The following MED6 variants were observed in gnomAD, a reference collection of about 807,000 sequenced individuals.
The protein encoded by MED6 is mediator of RNA polymerase II transcription subunit 6.
A neutral mutation model predicts 37.5 loss-of-function variants in MED6; 33 were observed. The observed-to-expected ratio is 0.88, with a 90% confidence interval of 0.67 to 1.18. The LOEUF is 1.18. MED6 is among the 50% of genes most tolerant of loss of function. MED6 has a pLI of 0.00. For missense variants in MED6, 235 were observed against 290.6 expected, an observed-to-expected ratio of 0.81 and a Z score of 1.39; for synonymous variants, 94 against 93.6, an observed-to-expected ratio of 1.00 and a Z score of -0.02.
intron 6 of MED6, among the ~76,000 whole-genome samples, chr14:70,587,863 T>A (rs985810896): frequency 7.9e-5 from 12 of 152,214 alleles, no homozygotes; most frequent in African/African-American, 1.9e-4. Flanking sequence ...CACATCAGTA[T>A]TAGTGCAACT....
At chr14:70,597,584 T>C (rs1885081129) in intron 2 of MED6, 34 bp downstream of exon 2, 4 of 1,426,198 alleles carry the variant, frequency 2.8e-6, no homozygotes, top group Middle Eastern at 2.2e-4. Flanking sequence ...AAACTTGTAT[T>C]TGGAAAAAGT....
intron 4 of MED6, 76 bp downstream of exon 4, chr14:70,593,220 C>T: frequency 7.4e-7 from 1 of 1,350,140 alleles, no homozygotes; most frequent in South Asian, 1.2e-5. Flanking sequence ...GGCAGAGGAG[C>T]TCTAGTTTGA....
chr14:70,590,417 C>T (rs928763209), intron 6 of MED6, among the ~76,000 whole-genome samples: 2 of 152,206 alleles, frequency 1.3e-5, no homozygotes, highest in Non-Finnish European at 2.9e-5. Flanking sequence ...GTGTCCTCTG[C>T]TCTCTTCACC....
At chr14:70,590,383 C>T (rs1884832907) in intron 6 of MED6, among the ~76,000 whole-genome samples, 1 of 152,200 alleles carries the variant, frequency 6.6e-6, no homozygotes, top group South Asian at 2.1e-4. Context: ...TCTAAACTGG[C>T]TTTCCTGTCC....
At chr14:70,594,979 T>A in intron 3 of MED6, 2 of 593,868 alleles carry the variant, frequency 3.4e-6, no homozygotes, top group South Asian at 2.8e-5. Flanking sequence ...GGCTCAGATC[T>A]TCTCAAGTAC....
In MED6 at chr14:70,596,652, AGAATGGGCTCTTGAGCAT is replaced by A. The variant is rs771394285; in HGVS notation, c.215_232del (p.His72_Ile77del). ...CCGCTGTTGCTTCCGAATGATGAAAAGAATGGGCTCTTGAGCATGCAAAAGGATGTACTCGATTCCAAC... is the reference window on the plus strand; with the variant it reads ...CCGCTGTTGCTTCCGAATGATGAAAAGCAAAAGGATGTACTCGATTCCAAC... On this transcript the variant is annotated inframe_deletion, in exon 3 of 8. Transcript: ENST00000256379. 1 of 1,614,052 alleles carries A rather than the reference AGAATGGGCTCTTGAGCAT, an allele frequency of 6.2e-7. No homozygotes were observed. The highest frequency in any genetic ancestry group is 2.2e-5 in the East Asian group (1 of 44,888).
intron 1 of MED6, among the ~76,000 whole-genome samples, chr14:70,599,408 T>C (rs1371822277): frequency 6.6e-6 from 1 of 152,160 alleles, no homozygotes; most frequent in Non-Finnish European, 1.5e-5. Context: ...GCCTCCTAAC[T>C]GGTTTTCCTA....
At chr14:70,585,007 A>C in intron 7 of MED6, 64 bp from the exon 8 acceptor site, 1 of 1,518,778 alleles carries the variant, frequency 6.6e-7, no homozygotes. Flanking sequence ...ATAAATGGTT[A>C]ATATGAATGG....
Position 70,584,116 on chromosome 14 carries a change from C to A in MED6, c.*697G>T. 1.4e-6 allele frequency: 1 copy of A among 723,806 alleles called. No individual in the cohort carries two copies. Among genetic ancestry groups the A allele is most frequent in the Non-Finnish European group, 2.5e-6 (1 of 402,402 alleles). The allele number at this position is 723,806 out of a possible 1,614,324, so 44.8% of individuals were successfully genotyped here. On this transcript the variant is annotated 3_prime_UTR_variant, in exon 8 of 8. Coordinates refer to ENST00000256379, the MANE Select transcript of MED6 (RefSeq NM_005466.4). ...ATGTCAGCAACTGTTTATTTTAATA[C>A]TGAGGATTATGTAACTGAACAAAAA... is the stretch of plus-strand genomic sequence containing the variant.
At chr14:70,585,462 G>A (rs1192919615) in intron 7 of MED6, among the ~76,000 whole-genome samples, 1 of 152,026 alleles carries the variant, frequency 6.6e-6, no homozygotes, top group East Asian at 1.9e-4. Context: ...GAACAAGACT[G>A]TTCAACCCAC....
At chr14:70,595,628 G>C (rs1885021592) in intron 3 of MED6, 2 of 903,660 alleles carry the variant, frequency 2.2e-6, no homozygotes, top group Non-Finnish European at 3.5e-6. Context: ...AGGAGTACAA[G>C]GCCCTGCTGA....
chr14:70,594,605 C>A, intron 3 of MED6: 1 of 419,220 alleles, frequency 2.4e-6, no homozygotes, highest in South Asian at 2.0e-5. Context: ...TGGGCTCCAT[C>A]CAGGCGCCCA....
At chr14:70,590,817 CTCT>C (rs1293597783) in intron 6 of MED6, among the ~76,000 whole-genome samples, 2 of 152,298 alleles carry the variant, frequency 1.3e-5, no homozygotes, top group East Asian at 3.9e-4. Flanking sequence ...CTCCTGTCTC[CTCT>C]GTTTATTATG....
chr14:70,587,708 G>A (rs905361898), intron 6 of MED6, among the ~76,000 whole-genome samples: 1 of 152,182 alleles, frequency 6.6e-6, no homozygotes. Context: ...TATATAACAA[G>A]AGTGCTTCTT....
chr14:70,595,715 T>C (rs2018131), intron 3 of MED6: 110,464 of 752,812 alleles, frequency 0.15, 11,933 homozygotes, highest in East Asian at 0.51. Context: ...TCAATCTTGG[T>C]GACGCCCTGG....
rs17108244 is a variant in MED6 at position 70,584,266 on chromosome 14, A to G, written c.*547T>C. On this transcript the variant is annotated 3_prime_UTR_variant, in exon 8 of 8. Transcript: ENST00000256379. ...ATACAAATACCTTTATTTTGCTTTT[A>G]AACATATCTACCAGTAAACATGTGA... 25,606 of 663,006 alleles carry G rather than the reference A, an allele frequency of 0.039. 1,278 individuals are homozygous for G. Among genetic ancestry groups the G allele is most frequent in the African/African-American group, 0.19 (10,510 of 55,468 alleles). 41.1% of individuals were successfully genotyped at this position (663,006 alleles called of 1,614,324 possible). A position where few individuals can be genotyped will look rare whatever the true frequency, so the allele number is the denominator to read the frequency against.
At chr14:70,590,367 G>T (rs1884832384) in intron 6 of MED6, among the ~76,000 whole-genome samples, 1 of 152,152 alleles carries the variant, frequency 6.6e-6, no homozygotes, top group South Asian at 2.1e-4. Context: ...CAGTTGATGA[G>T]ATTCCTCTAA....
rs758063615 is a variant in MED6 at position 70,584,781 on chromosome 14, G to A, written c.*32C>T. The A allele has an allele frequency of 1.0e-5, 16 of 1,604,374 alleles. No homozygotes were observed. The highest frequency in any genetic ancestry group is 1.3e-5 in the Non-Finnish European group (15 of 1,177,128). ...TACTGAGGTATGATAACTAGCATGA[G>A]GAGTCTTCCAGGCTTCTCTTTTGTC... On this transcript the variant is annotated 3_prime_UTR_variant, in exon 8 of 8. Transcript: ENST00000256379.
Position 70,591,278 on chromosome 14 carries a change from G to T in MED6, c.570C>A (p.Pro190=), listed in dbSNP as rs904557937. 4 of 1,610,984 alleles carry T rather than the reference G, an allele frequency of 2.5e-6. No homozygotes were observed. The highest frequency in any genetic ancestry group is 3.4e-6 in the Non-Finnish European group (4 of 1,178,496). The change falls in exon 6 of 8, where the codon CCC becomes CCA. Residue 190 remains proline, a synonymous_variant. Coordinates refer to ENST00000256379, the MANE Select transcript of MED6 (RefSeq NM_005466.4). ...LLLDLRQKFP[P]KFVQLKPGEK... ...ATATTCTCATTACCTGCACAAATTTGGGTGGAAATTTTTGTCTGAGGTCTA... is the reference window on the plus strand; with the variant it reads ...ATATTCTCATTACCTGCACAAATTTTGGTGGAAATTTTTGTCTGAGGTCTA...
Sources: gnomAD v4.1 joint callset for allele counts (sites outside exome capture counted in the v4.1 genomes callset) on GRCh38, gnomAD v4.1.1 for gene constraint, MANE v1.5 for transcripts, NCBI Gene and HGNC (gene_info 2026-07-23, HGNC 2026-07-21) for gene names.